Variants in ADGRB3 observed in about 807,000 individuals in gnomAD.
ADGRB3 encodes brain-specific angiogenesis inhibitor 3.
Under a neutral mutation model 193.4 loss-of-function variants are expected in ADGRB3, and 37 were observed. The observed-to-expected ratio is 0.19, with a 90% confidence interval of 0.15 to 0.25. The LOEUF (loss-of-function observed/expected upper bound fraction) is 0.25. Ranked by LOEUF, ADGRB3 falls within the 10% of genes least tolerant of loss-of-function variation. The pLI is 1.00. For synonymous variants in ADGRB3, 690 were observed against 644.2 expected (o/e 1.07, Z -1.08); for missense variants, 1,637 against 1,852.9 (o/e 0.88, Z 2.14).
At chr6:68,722,481 T>G (rs1765600871) in intron 3 of ADGRB3, among the ~76,000 whole-genome samples, 1 of 151,700 alleles carries the variant, frequency 6.6e-6, no homozygotes, top group South Asian at 2.1e-4. Context: ...AGTATAATAA[T>G]AATTTAAAAA....
At chr6:69,213,434 A>C (rs890760599) in intron 17 of ADGRB3, among the ~76,000 whole-genome samples, 1 of 152,192 alleles carries the variant, frequency 6.6e-6, no homozygotes, top group African/African-American at 2.4e-5. Context: ...ATTCAGGATT[A>C]TACCTGTATT....
intron 16 of ADGRB3, among the ~76,000 whole-genome samples, chr6:69,069,553 C>T (rs201291587): frequency 2.2e-4 from 7 of 31,790 alleles, no homozygotes; most frequent in Non-Finnish European, 3.0e-4. Context: ...ACTAAAAATA[C>T]AAAAAAAAAA....
At chr6:68,856,432 T>C (rs1349232137) in intron 3 of ADGRB3, among the ~76,000 whole-genome samples, 2 of 152,150 alleles carry the variant, frequency 1.3e-5, no homozygotes, top group African/African-American at 4.8e-5. Context: ...ATATGAACAA[T>C]AGGGTCCAGG....
At chr6:68,773,637 A>G (rs1766681836) in intron 3 of ADGRB3, among the ~76,000 whole-genome samples, 1 of 152,142 alleles carries the variant, frequency 6.6e-6, no homozygotes, top group Non-Finnish European at 1.5e-5. Flanking sequence ...AAACAACTAA[A>G]CAGGTAGTTA....
At chr6:69,015,988 C>G (rs964845445) in intron 12 of ADGRB3, among the ~76,000 whole-genome samples, 1 of 151,876 alleles carries the variant, frequency 6.6e-6, no homozygotes, top group South Asian at 2.1e-4. Context: ...ATTCATATGT[C>G]TCTAGAGCAA....
chr6:68,954,026 T>C (rs1768004716), intron 6 of ADGRB3, among the ~76,000 whole-genome samples: 1 of 152,192 alleles, frequency 6.6e-6, no homozygotes. Flanking sequence ...CTAGAAAGTA[T>C]TTTTGGTTAA....
At chr6:69,208,299 TCA>T (rs1372693136) in intron 17 of ADGRB3, among the ~76,000 whole-genome samples, 8 of 152,170 alleles carry the variant, frequency 5.3e-5, no homozygotes, top group Admixed American at 5.2e-4. Context: ...ATTAATATCT[TCA>T]CAGTTTTTGA....
At chr6:68,873,388 T>C (rs1159095293) in intron 3 of ADGRB3, among the ~76,000 whole-genome samples, 1 of 152,148 alleles carries the variant, frequency 6.6e-6, no homozygotes, top group Non-Finnish European at 1.5e-5. Context: ...TCATGTATTT[T>C]TCTCCCTGAA....
chr6:69,191,951 C>CTGAGGGGAG (rs1401433489), intron 17 of ADGRB3, among the ~76,000 whole-genome samples: 2 of 152,100 alleles, frequency 1.3e-5, no homozygotes, highest in Non-Finnish European at 2.9e-5. Context: ...AAAAACTAGA[C>CTGAGGGGAG]TGAGGGGAGT....
intron 11 of ADGRB3, among the ~76,000 whole-genome samples, chr6:68,994,216 C>G (rs1769321950): frequency 6.6e-6 from 1 of 151,992 alleles, no homozygotes; most frequent in Non-Finnish European, 1.5e-5. Flanking sequence ...CTTTGAGCCC[C>G]CAGATAAAAG....
chr6:69,377,560 C>T (rs1044006366), intron 30 of ADGRB3, among the ~76,000 whole-genome samples: 8 of 152,076 alleles, frequency 5.3e-5, no homozygotes, highest in Non-Finnish European at 1.5e-5. Flanking sequence ...ATATGGGCAA[C>T]GGCATTGTAG....
In ADGRB3 at chr6:69,055,297, C is replaced by T. The variant is rs189094188; in HGVS notation, c.2333+5951C>T. On this transcript the variant is annotated intron_variant, in intron 15 of 31. Transcript: ENST00000370598. ...TTAAAGCACAACTCCCCTTTTCCCA[C>T]TCCCTCTGACCCTTAGCAACTATCA... 1.2e-3 allele frequency among the ~76,000 whole-genome samples: 187 copies of T among 152,318 alleles called. 1 individual carries two copies. Among genetic ancestry groups the T allele is most frequent in the African/African-American group, 4.4e-3 (183 of 41,576 alleles).
intron 17 of ADGRB3, among the ~76,000 whole-genome samples, chr6:69,225,815 A>G (rs1028716918): frequency 2.0e-5 from 3 of 152,218 alleles, no homozygotes; most frequent in Admixed American, 1.3e-4. Flanking sequence ...AAAGTGTGTT[A>G]TTCACCACAA....
chr6:68,697,041 G>T (rs939357470), intron 3 of ADGRB3, among the ~76,000 whole-genome samples: 1 of 151,510 alleles, frequency 6.6e-6, no homozygotes, highest in Admixed American at 6.6e-5. Context: ...CTAAGAAGAT[G>T]CTCTCTCTCT....
At chr6:69,381,986 A>G (rs1380704758) in intron 30 of ADGRB3, among the ~76,000 whole-genome samples, 3 of 151,926 alleles carry the variant, frequency 2.0e-5, no homozygotes, top group Non-Finnish European at 4.4e-5. Context: ...GGCACTTATT[A>G]TCTAACTCTT....
At chr6:68,938,828 G>C (rs1562093480) in intron 5 of ADGRB3, among the ~76,000 whole-genome samples, 1 of 152,046 alleles carries the variant, frequency 6.6e-6, no homozygotes, top group Non-Finnish European at 1.5e-5. Context: ...TTATGTCCTT[G>C]ACAATGAGAA....
At chr6:68,749,537 A>G (rs1245076374) in intron 3 of ADGRB3, among the ~76,000 whole-genome samples, 2 of 151,750 alleles carry the variant, frequency 1.3e-5, no homozygotes, top group African/African-American at 4.8e-5. Context: ...CCCATATTCT[A>G]ATGTTGAATA....
At chr6:69,287,408 T>G (rs750320498) in intron 20 of ADGRB3, among the ~76,000 whole-genome samples, 22 of 152,088 alleles carry the variant, frequency 1.4e-4, no homozygotes, top group Non-Finnish European at 2.8e-4. Context: ...ACACCAATGT[T>G]CAACACCATT....
intron 13 of ADGRB3, among the ~76,000 whole-genome samples, chr6:69,038,070 A>G (rs35065230): frequency 2.0e-5 from 3 of 152,098 alleles, no homozygotes; most frequent in Admixed American, 1.3e-4. Flanking sequence ...GGGGCTCAAT[A>G]GAGGTTTGTT....
Sources: gnomAD v4.1 joint callset for allele counts (sites outside exome capture counted in the v4.1 genomes callset) on GRCh38, gnomAD v4.1.1 for gene constraint, MANE v1.5 for transcripts, NCBI Gene and HGNC (gene_info 2026-07-23, HGNC 2026-07-21) for gene names.